CTDSPL2: variants seen among roughly 807,000 people sequenced by gnomAD.
CTDSPL2 encodes the protein CTD small phosphatase like 2, also known as CTD small phosphatase-like protein 2.
A neutral mutation model predicts 60.0 loss-of-function variants in CTDSPL2; 5 were observed. That is an observed-to-expected ratio of 0.08 (90% confidence interval 0.04 to 0.18). The LOEUF (loss-of-function observed/expected upper bound fraction) is 0.18, where lower values mean the gene tolerates loss of function less well. CTDSPL2 is among the 10% of genes least tolerant of loss of function. CTDSPL2 has a pLI of 1.00. For missense variants in CTDSPL2, 370 were observed against 548.8 expected (o/e 0.67, Z 3.26); for synonymous variants, 186 against 189.3 (o/e 0.98, Z 0.14).
At chr15:44,435,580 A>T (rs1423063084) in intron 1 of CTDSPL2, among the ~76,000 whole-genome samples, 1 of 151,870 alleles carries the variant, frequency 6.6e-6, no homozygotes, top group East Asian at 1.9e-4. Context: ...AACCAAAAAA[A>T]AAAAGAGAAT....
chr15:44,435,701 G>A (rs898816635), intron 1 of CTDSPL2, among the ~76,000 whole-genome samples: 12 of 149,838 alleles, frequency 8.0e-5, no homozygotes, highest in Non-Finnish European at 1.3e-4. Flanking sequence ...CTGCCTCCCG[G>A]GTTCAAGCGA....
At chr15:44,504,315 A>G (rs1232802326) in intron 8 of CTDSPL2, among the ~76,000 whole-genome samples, 1 of 152,086 alleles carries the variant, frequency 6.6e-6, no homozygotes, top group Non-Finnish European at 1.5e-5. Context: ...GCGCCACTGC[A>G]CTCCAGCCTG....
At chr15:44,427,990 C>T (rs1037607908) in intron 1 of CTDSPL2, 1 of 294,304 alleles carries the variant, frequency 3.4e-6, no homozygotes, top group Non-Finnish European at 6.2e-6. Flanking sequence ...CACTTCCCGC[C>T]AGCTTCACCT....
chr15:44,496,178 A>AT (rs1277859504), intron 5 of CTDSPL2, among the ~76,000 whole-genome samples: 2 of 152,034 alleles, frequency 1.3e-5, no homozygotes, highest in Non-Finnish European at 2.9e-5. Context: ...CTGGTTTGCC[A>AT]TTTTTTCTAT....
chr15:44,523,968 G>A (rs1567108893), intron 12 of CTDSPL2, 141 bp from the exon 13 acceptor site: 7 of 654,012 alleles, frequency 1.1e-5, no homozygotes, highest in Admixed American at 7.9e-5. Flanking sequence ...AACTGCATCT[G>A]TGTAGTATCT....
At chr15:44,495,005 CTTG>C (rs939868284) in intron 5 of CTDSPL2, among the ~76,000 whole-genome samples, 10 of 152,116 alleles carry the variant, frequency 6.6e-5, no homozygotes, top group African/African-American at 2.2e-4. Context: ...GAGTTTTGCT[CTTG>C]TTGCCCAGGC....
At chr15:44,495,139 T>G (rs1446532772) in intron 5 of CTDSPL2, among the ~76,000 whole-genome samples, 1 of 152,046 alleles carries the variant, frequency 6.6e-6, no homozygotes, top group Admixed American at 6.5e-5. Context: ...GCCCAGCTAA[T>G]TTTGTATTTC....
intron 8 of CTDSPL2, among the ~76,000 whole-genome samples, chr15:44,513,525 G>C (rs1031682664): frequency 6.6e-6 from 1 of 152,136 alleles, no homozygotes; most frequent in African/African-American, 2.4e-5. Flanking sequence ...TCTCTATTTT[G>C]CCCTAAAACA....
At chr15:44,522,035 C>T (rs1051440643) in intron 12 of CTDSPL2, among the ~76,000 whole-genome samples, 18 of 148,312 alleles carry the variant, frequency 1.2e-4, no homozygotes, top group African/African-American at 4.5e-4. Flanking sequence ...AGATTATGTG[C>T]ATTTTCAAAC....
intron 1 of CTDSPL2, among the ~76,000 whole-genome samples, chr15:44,444,836 GTTTTTTTTTTTTTTT>G (rs35160726): frequency 6.5e-4 from 45 of 69,618 alleles, no homozygotes; most frequent in Admixed American, 2.8e-3. Flanking sequence ...ATGGAATGTA[GTTTTTTTTTTTTTTT>G]TTTTTTTTTT....
intron 8 of CTDSPL2, among the ~76,000 whole-genome samples, chr15:44,505,729 G>A (rs1462156254): frequency 6.9e-6 from 1 of 144,326 alleles, no homozygotes; most frequent in Non-Finnish European, 1.5e-5. Context: ...GCGAGACTCT[G>A]TCTCCCAAAA....
intron 1 of CTDSPL2, among the ~76,000 whole-genome samples, chr15:44,445,361 T>C (rs1412759588): frequency 6.6e-6 from 1 of 151,926 alleles, no homozygotes; most frequent in Non-Finnish European, 1.5e-5. Context: ...CAAATTTTTT[T>C]GTATTTTTAG....
In CTDSPL2 at chr15:44,459,195, C is replaced by T; in HGVS notation, c.181C>T (p.Pro61Ser). Residue 61 changes from proline (P) to serine (S), a missense_variant, in exon 2 of 13, where the codon CCT (proline) becomes TCT (serine). Around this residue, in one of 6 missense-constraint regions of CTDSPL2, gnomAD observed 287 missense variants for 296.1 expected, o/e 0.97. Coordinates refer to ENST00000260327, the MANE Select transcript of CTDSPL2 (RefSeq NM_016396.3). ...SIKKFIKGSTPKEERENPSKR... is the reference protein window; with the variant it reads ...SIKKFIKGSTSKEERENPSKR... ...TAAAAAATTTATTAAAGGAAGCACA[C>T]CTAAGGTAATGATTTTACCATATAC... The T allele has an allele frequency of 1.9e-6, 3 of 1,599,636 alleles. No individual in the cohort carries two copies. Among genetic ancestry groups the T allele is most frequent in the Middle Eastern group, 1.7e-4 (1 of 5,984 alleles).
intron 10 of CTDSPL2, 51 bp downstream of exon 10, chr15:44,514,895 A>G (rs537552399): frequency 9.4e-7 from 1 of 1,064,794 alleles, no homozygotes; most frequent in African/African-American, 1.6e-5. Context: ...GATCTATGAA[A>G]TTACTGATTC....
intron 12 of CTDSPL2, 70 bp from the exon 13 acceptor site, chr15:44,524,039 G>C (rs1050943847): frequency 8.4e-7 from 1 of 1,195,664 alleles, no homozygotes; most frequent in African/African-American, 1.5e-5. Flanking sequence ...TGCAAGGTAA[G>C]AATGTATGTT....
intron 1 of CTDSPL2, chr15:44,447,634 G>C (rs2141307204): frequency 6.5e-6 from 1 of 154,186 alleles, no homozygotes; most frequent in Middle Eastern, 1.2e-3. Flanking sequence ...GTCATCATCT[G>C]ACAGGCTCTC....
chr15:44,445,273 G>A (rs983747003), intron 1 of CTDSPL2, among the ~76,000 whole-genome samples: 3 of 151,482 alleles, frequency 2.0e-5, no homozygotes, highest in South Asian at 2.1e-4. Context: ...CTGCAGCTTC[G>A]ACTTCCCAGG....
At chr15:44,499,116 AACAG>A (rs2081347982) in intron 7 of CTDSPL2, among the ~76,000 whole-genome samples, 1 of 151,980 alleles carries the variant, frequency 6.6e-6, no homozygotes, top group Non-Finnish European at 1.5e-5. Context: ...GGCTTCTAAA[AACAG>A]ACATTGTTGC....
intron 2 of CTDSPL2, among the ~76,000 whole-genome samples, chr15:44,462,277 T>C (rs560269610): frequency 1.1e-4 from 16 of 152,302 alleles, no homozygotes; most frequent in Middle Eastern, 3.4e-3. Context: ...CTTTTTGTCC[T>C]TCTTTAGTAG....
Sources: gnomAD v4.1 joint callset for allele counts (sites outside exome capture counted in the v4.1 genomes callset) on GRCh38, gnomAD v4.1.1 for gene constraint, gnomAD v4.1.1 regional missense constraint, MANE v1.5 for transcripts, NCBI Gene and HGNC (gene_info 2026-07-23, HGNC 2026-07-21) for gene names.